The following EP300 variants were observed in gnomAD, a reference collection of about 807,000 sequenced individuals.
The protein encoded by EP300 is EP300 lysine acetyltransferase.
In EP300, 31 loss-of-function variants were observed where a neutral mutation model predicts 264.0. The observed-to-expected ratio is 0.12, with a 90% CI of 0.09 to 0.16. The LOEUF is 0.16. Among genes scored for constraint, EP300 ranks in the 10% least tolerant of loss-of-function variants. EP300 has a pLI of 1.00. For missense variants in EP300, 2,766 were observed against 3,052.9 expected (o/e 0.91, Z 2.21); for synonymous variants, 1,340 against 1,045.4 (o/e 1.28, Z -5.44).
intron 20 of EP300, among the ~76,000 whole-genome samples, chr22:41,161,617 AAAAT>A (rs2059109082): frequency 6.6e-6 from 1 of 152,226 alleles, no homozygotes; most frequent in Admixed American, 6.5e-5. Flanking sequence ...AGTCTGTCTC[AAAAT>A]AAATAAAAGA....
rs895942153 is a variant in EP300, at chr22:41,092,775, G to T, written c.-230G>T. 1.6e-6 allele frequency: 1 copy of T among 626,530 alleles called. No individual in the cohort carries two copies. Among genetic ancestry groups the T allele is most frequent in the Non-Finnish European group, 2.9e-6 (1 of 345,608 alleles). 38.8% of individuals were successfully genotyped at this position (626,530 alleles called of 1,614,324 possible). A position where few individuals can be genotyped will look rare whatever the true frequency, so the allele number is the denominator to read the frequency against. Reference sequence around the variant, plus strand: ...TTTGTGCTCTTGTGCCCTCCTCCGGGCTTGGGCCCAGGCCCGGCCCCTCGC... The same window carrying T: ...TTTGTGCTCTTGTGCCCTCCTCCGGTCTTGGGCCCAGGCCCGGCCCCTCGC... On this transcript the variant is annotated 5_prime_UTR_variant, in exon 1 of 31. Coordinates refer to ENST00000263253, the MANE Select transcript of EP300 (RefSeq NM_001429.4).
At chr22:41,175,872 A>G (rs1183836921) in intron 29 of EP300, among the ~76,000 whole-genome samples, 1 of 152,242 alleles carries the variant, frequency 6.6e-6, no homozygotes, top group Admixed American at 6.5e-5. Flanking sequence ...GAGGTAAAGC[A>G]GGAAAAGGAA....
chr22:41,132,493 T>C (rs988823261), intron 6 of EP300, among the ~76,000 whole-genome samples: 9 of 151,950 alleles, frequency 5.9e-5, no homozygotes, highest in Admixed American at 2.0e-4. Context: ...TTCACCATGT[T>C]GGCCATGATG....
At chr22:41,097,857 G>T (rs1270020051) in intron 1 of EP300, among the ~76,000 whole-genome samples, 3 of 151,982 alleles carry the variant, frequency 2.0e-5, no homozygotes, top group Non-Finnish European at 4.4e-5. Flanking sequence ...ACCATGCCCA[G>T]CTAATTTTTT....
Position 41,178,212 on chromosome 22 carries a change from G to A in EP300, c.6501G>A (p.Gln2167=). 6.2e-7 allele frequency: 1 copy of A among 1,614,170 alleles called. No homozygotes were observed. The highest frequency in any genetic ancestry group is 8.5e-7 in the Non-Finnish European group (1 of 1,180,026). ...GAGGGATGAGCCCCCAGGCTCAGCAGATGAACATGAACCACAACACCATGC... is the reference window on the plus strand; with the variant it reads ...GAGGGATGAGCCCCCAGGCTCAGCAAATGAACATGAACCACAACACCATGC... ...PMGGMSPQAQ[Q]MNMNHNTMPS... Residue 2167 remains glutamine, a synonymous_variant, in exon 31 of 31, where the codon CAG becomes CAA. Coordinates refer to ENST00000263253, the MANE Select transcript of EP300 (RefSeq NM_001429.4).
In EP300 at chr22:41,178,344, C is replaced by T. The variant is rs778982671; in HGVS notation, c.6633C>T (p.Phe2211=). The T allele has an allele frequency of 6.2e-6, 10 of 1,608,158 alleles. No individual in the cohort carries two copies. In the East Asian group the frequency reaches 1.8e-4, roughly 29 times the overall value. Residue 2211 remains phenylalanine (F), a synonymous_variant, in exon 31 of 31, where the codon TTC becomes TTT. Coordinates refer to ENST00000263253, the MANE Select transcript of EP300 (RefSeq NM_001429.4). ...CTGGAATGGCCAACCATAACCAGTT[C>T]CAGCAACCCCAAGGAGTTGGCTACC... is the stretch of plus-strand genomic sequence containing the variant. ...IGPGMANHNQ[F]QQPQGVGYPP... is the part of the protein sequence containing the mutation.
At chr22:41,108,238 CTTTTTCTTT>C (rs1339368051) in intron 1 of EP300, 1 of 131,462 alleles carries the variant, frequency 7.6e-6, no homozygotes, top group African/African-American at 3.0e-5. Flanking sequence ...TTTTCTTTTT[CTTTTTCTTT>C]TTTTTTTTTT....
In EP300 at chr22:41,117,630, G is replaced by A. The variant is rs781372388; in HGVS notation, c.538G>A (p.Ala180Thr). ...NAGMNPGMLAAGNGQGIMPNQ... is the reference protein window; with the variant it reads ...NAGMNPGMLATGNGQGIMPNQ... ...GGGCATGAATCCTGGAATGTTGGCTGCAGGCAATGGACAAGGGATAATGCC... is the reference window on the plus strand; with the variant it reads ...GGGCATGAATCCTGGAATGTTGGCTACAGGCAATGGACAAGGGATAATGCC... The change falls in exon 2 of 31, where the codon GCA becomes ACA. Residue 180 changes from alanine (A) to threonine (T), a missense_variant. Ala to Thr is a moderately conservative substitution (Grantham distance 58). Coordinates refer to ENST00000263253, the MANE Select transcript of EP300 (RefSeq NM_001429.4). 2 of 1,614,226 alleles carry A rather than the reference G, an allele frequency of 1.2e-6. No individual in the cohort carries two copies. Among genetic ancestry groups the A allele is most frequent in the Non-Finnish European group, 8.5e-7 (1 of 1,180,044 alleles).
In EP300 at chr22:41,150,001, C is replaced by A; in HGVS notation, c.2620C>A (p.Gln874Lys). 1 of 1,614,100 alleles carries A rather than the reference C, an allele frequency of 6.2e-7. No homozygotes were observed. The highest frequency in any genetic ancestry group is 8.5e-7 in the Non-Finnish European group (1 of 1,180,026). ...ACCTCCTGCCATGCCACCTGGGCCACAGTCCCAGGCTCTACATCCCCCTCC... is the reference window on the plus strand; with the variant it reads ...ACCTCCTGCCATGCCACCTGGGCCAAAGTCCCAGGCTCTACATCCCCCTCC... ...PTPPAMPPGP[Q>K]SQALHPPPRQ... Residue 874 changes from glutamine (Q) to lysine (K), a missense_variant, in exon 14 of 31, where the codon CAG becomes AAG. Gln to Lys is a moderately conservative substitution (Grantham distance 53). Coordinates refer to ENST00000263253, the MANE Select transcript of EP300 (RefSeq NM_001429.4).
chr22:41,162,766 C>T lies in EP300; in HGVS notation c.3715C>T (p.Leu1239=). The part of the protein sequence containing the change: ...EQFSKRKNDT[L]DPELFVECTE... ...ATTTTCCAAGAGAAAAAATGACACA[C>T]TGGATCCTGAACTGTAAGTACGATC... is the stretch of plus-strand genomic sequence containing the variant. The change falls in exon 21 of 31, where the codon CTG becomes TTG. Residue 1239 remains leucine (L), a synonymous_variant. Transcript: ENST00000263253. The T allele has an allele frequency of 6.2e-7, 1 of 1,612,770 alleles. No homozygotes were observed. The highest frequency in any genetic ancestry group is 8.5e-7 in the Non-Finnish European group (1 of 1,178,814).
intron 2 of EP300, among the ~76,000 whole-genome samples, chr22:41,118,867 G>C (rs2058835940): frequency 6.6e-6 from 1 of 151,756 alleles, no homozygotes; most frequent in African/African-American, 2.4e-5. Flanking sequence ...GGACAAACTT[G>C]TGTTGGGGGG....
chr22:41,101,318 A>G lies in EP300; in HGVS notation c.94+8220A>G, dbSNP rs1178522314. Among the ~76,000 whole-genome samples, 13 of 151,708 alleles carry G rather than the reference A, an allele frequency of 8.6e-5. No homozygotes were observed. In the East Asian group the frequency reaches 2.5e-3, roughly 29 times the overall value. On this transcript the variant is annotated intron_variant, in intron 1 of 30. Coordinates refer to ENST00000263253, the MANE Select transcript of EP300 (RefSeq NM_001429.4). ...TCGAACTCCTGACCTCAGTCTGCCC[A>G]CCTCGGCCTCCCAAAGTGCTGGTAT...
intron 8 of EP300, among the ~76,000 whole-genome samples, chr22:41,139,177 C>A (rs1708211777): frequency 6.6e-6 from 1 of 152,294 alleles, no homozygotes; most frequent in Non-Finnish European, 1.5e-5. Flanking sequence ...TGGTCTCGAA[C>A]TCCTGACCTC....
chr22:41,096,612 C>CGT, intron 1 of EP300, among the ~76,000 whole-genome samples: 1 of 104,456 alleles, frequency 9.6e-6, no homozygotes, highest in African/African-American at 3.9e-5. Flanking sequence ...GTCAGCTCTA[C>CGT]TTTTTTTTTT....
intron 1 of EP300, among the ~76,000 whole-genome samples, chr22:41,102,275 G>A (rs1033090553): frequency 2.0e-5 from 3 of 152,108 alleles, no homozygotes; most frequent in Non-Finnish European, 2.9e-5. Flanking sequence ...GGTGTGATCA[G>A]CATTGTATTT....
intron 22 of EP300, 148 bp from the exon 23 acceptor site, chr22:41,166,451 A>G (rs2059135035): frequency 3.2e-6 from 2 of 630,352 alleles, no homozygotes; most frequent in Non-Finnish European, 5.6e-6. Context: ...ACTGATTTCT[A>G]AAAGCTCTTT....
intron 1 of EP300, among the ~76,000 whole-genome samples, chr22:41,116,366 G>A (rs2145695284): frequency 6.6e-6 from 1 of 152,052 alleles, no homozygotes; most frequent in East Asian, 1.9e-4. Context: ...TCCTCTCCTA[G>A]CCCCCCATCC....
At chr22:41,156,485 C>T (rs950386156) in intron 17 of EP300, among the ~76,000 whole-genome samples, 29 of 152,260 alleles carry the variant, frequency 1.9e-4, no homozygotes, top group African/African-American at 7.0e-4. Flanking sequence ...CTTTTGGAGG[C>T]CAAGGCAGGC....
At chr22:41,097,233 AG>A in intron 1 of EP300, among the ~76,000 whole-genome samples, 1 of 152,348 alleles carries the variant, frequency 6.6e-6, no homozygotes, top group East Asian at 1.9e-4. Flanking sequence ...TCTGGTTGAT[AG>A]TGAGATAAAG....
Sources: gnomAD v4.1 joint callset for allele counts (sites outside exome capture counted in the v4.1 genomes callset) on GRCh38, gnomAD v4.1.1 for gene constraint, MANE v1.5 for transcripts, NCBI Gene and HGNC (gene_info 2026-07-23, HGNC 2026-07-21) for gene names.